The following ITGA1 variants were observed in gnomAD, a reference collection of about 807,000 sequenced individuals.
ITGA1 encodes integrin alpha-1.
In ITGA1, 85 loss-of-function variants were observed where a neutral mutation model predicts 145.9. That is an observed-to-expected ratio of 0.58 (90% confidence interval 0.49 to 0.70). The LOEUF is 0.70. Among genes scored for constraint, ITGA1 ranks in the 30% least tolerant of loss-of-function variants. The pLI, the probability that ITGA1 is intolerant of heterozygous loss-of-function variation, is 0.00. For synonymous variants in ITGA1, 520 were observed against 495.3 expected, an observed-to-expected ratio of 1.05 and a Z score of -0.66; for missense variants, 1,351 against 1,418.7, an observed-to-expected ratio of 0.95 and a Z score of 0.77.
chr5:52,798,953 A>G (rs2111657162), intron 1 of ITGA1, among the ~76,000 whole-genome samples: 1 of 152,180 alleles, frequency 6.6e-6, no homozygotes, highest in East Asian at 1.9e-4. Context: ...TCCCAGCTTA[A>G]CTTTTCCCTT....
At chr5:52,934,800 CA>C (rs1211303492) in intron 23 of ITGA1, among the ~76,000 whole-genome samples, 2 of 151,466 alleles carry the variant, frequency 1.3e-5, no homozygotes, top group African/African-American at 4.8e-5. Flanking sequence ...TTGCCAACCA[CA>C]AAAAAAAGTT....
intron 3 of ITGA1, among the ~76,000 whole-genome samples, chr5:52,862,828 C>T (rs1269769983): frequency 6.6e-6 from 1 of 152,136 alleles, no homozygotes; most frequent in Admixed American, 6.5e-5. Context: ...TTTATAGCCC[C>T]ACAAGTTTAT....
Position 52,849,466 on chromosome 5 carries a change from G to A in ITGA1, c.163G>A (p.Glu55Lys), listed in dbSNP as rs567222496. 1.4e-5 allele frequency: 22 copies of A among 1,603,284 alleles called. No homozygotes were observed. The highest frequency in any genetic ancestry group is 1.3e-4 in the South Asian group (12 of 89,904). ...DMFGYTVQQY[E>K]NEEGKWVLIG... ...GTTTGGATATACTGTTCAACAATAT[G>A]AAAATGAAGAAGGAAAATGGTAAGC... Residue 55 changes from glutamate (E) to lysine (K), a missense_variant, in exon 2 of 29, where the codon GAA becomes AAA. Coordinates refer to ENST00000282588, the MANE Select transcript of ITGA1 (RefSeq NM_181501.2).
At chr5:52,821,636 C>T (rs1341497004) in intron 1 of ITGA1, among the ~76,000 whole-genome samples, 1 of 152,132 alleles carries the variant, frequency 6.6e-6, no homozygotes, top group African/African-American at 2.4e-5. Context: ...TCCCATTCTC[C>T]TTGTATTCTT....
At chr5:52,951,938 T>C (rs943108722) in intron 28 of ITGA1, among the ~76,000 whole-genome samples, 1 of 152,152 alleles carries the variant, frequency 6.6e-6, no homozygotes, top group Non-Finnish European at 1.5e-5. Context: ...ACGCCTGTAA[T>C]CCCAGCACTT....
At chr5:52,939,730 CA>C in intron 25 of ITGA1, 39 bp downstream of exon 25, 1 of 1,513,000 alleles carries the variant, frequency 6.6e-7, no homozygotes, top group Non-Finnish European at 9.2e-7. Flanking sequence ...TTTTGCTTTC[CA>C]AATGAATAAA....
At chr5:52,791,441 G>A (rs890153781) in intron 1 of ITGA1, among the ~76,000 whole-genome samples, 10 of 152,096 alleles carry the variant, frequency 6.6e-5, no homozygotes, top group African/African-American at 2.2e-4. Context: ...TGCAGCTAGT[G>A]ACAAAATTGA....
intron 11 of ITGA1, chr5:52,905,193 G>A (rs1171555156): frequency 2.0e-5 from 3 of 152,140 alleles, no homozygotes; most frequent in Non-Finnish European, 2.9e-5. Flanking sequence ...AATGCTCCAA[G>A]GTGTCTTTGA....
chr5:52,880,679 A>C (rs967108403), intron 6 of ITGA1, among the ~76,000 whole-genome samples: 3 of 152,226 alleles, frequency 2.0e-5, no homozygotes, highest in African/African-American at 7.2e-5. Context: ...ACCAACAGGC[A>C]AAGTAGGCAA....
At chr5:52,897,661 G>T in intron 10 of ITGA1, 133 bp downstream of exon 10, 1 of 630,128 alleles carries the variant, frequency 1.6e-6, no homozygotes, top group South Asian at 1.9e-5. Flanking sequence ...CTATGATGAT[G>T]TTTTCTAATT....
At chr5:52,789,956 G>C (rs1215299084) in intron 1 of ITGA1, among the ~76,000 whole-genome samples, 3 of 152,292 alleles carry the variant, frequency 2.0e-5, no homozygotes, top group Non-Finnish European at 2.9e-5. Context: ...TCCAGGAAGA[G>C]ACTTAAAATA....
At chr5:52,804,107 G>T (rs1000431512) in intron 1 of ITGA1, 1 of 151,812 alleles carries the variant, frequency 6.6e-6, no homozygotes, top group Non-Finnish European at 1.5e-5. Flanking sequence ...AATAATGATA[G>T]GAGCAAATTA....
At chr5:52,800,479 A>T in intron 1 of ITGA1, 1 of 1,614,044 alleles carries the variant, frequency 6.2e-7, no homozygotes, top group Non-Finnish European at 8.5e-7. Context: ...CATGTGGCAC[A>T]CTTACAACCT....
chr5:52,871,830 C>T (rs1265955314), intron 6 of ITGA1, among the ~76,000 whole-genome samples: 1 of 152,100 alleles, frequency 6.6e-6, no homozygotes, highest in Non-Finnish European at 1.5e-5. Context: ...TTACCCAAGA[C>T]AGAGTAAAGG....
At chr5:52,911,580 A>ATAG (rs1750536190) in intron 14 of ITGA1, among the ~76,000 whole-genome samples, 1 of 70,844 alleles carries the variant, frequency 1.4e-5, no homozygotes, top group Non-Finnish European at 3.0e-5. Context: ...TATACTATAT[A>ATAG]TATAGTGTAT....
chr5:52,886,576 T>C (rs1367831843), intron 7 of ITGA1, among the ~76,000 whole-genome samples: 1 of 152,202 alleles, frequency 6.6e-6, no homozygotes, highest in Non-Finnish European at 1.5e-5. Flanking sequence ...AGTCTTTTCA[T>C]TACTTTAGTC....
chr5:52,922,753 T>C (rs188829335), intron 17 of ITGA1, 24 bp from the exon 18 acceptor site: 2 of 1,386,024 alleles, frequency 1.4e-6, no homozygotes. Flanking sequence ...ATACCAGTGA[T>C]ATATTTTATG....
intron 15 of ITGA1, among the ~76,000 whole-genome samples, chr5:52,916,894 G>A (rs982260614): frequency 1.3e-5 from 2 of 152,100 alleles, no homozygotes; most frequent in African/African-American, 2.4e-5. Context: ...TTTGTTTCAA[G>A]GCTTTCTTGC....
intron 11 of ITGA1, 98 bp downstream of exon 11, chr5:52,898,481 G>A (rs1207761057): frequency 8.3e-6 from 9 of 1,090,678 alleles, no homozygotes; most frequent in African/African-American, 3.1e-5. Flanking sequence ...CAACCATATA[G>A]CAGGATTATT....
Sources: gnomAD v4.1 joint callset for allele counts (sites outside exome capture counted in the v4.1 genomes callset) on GRCh38, gnomAD v4.1.1 for gene constraint, MANE v1.5 for transcripts, NCBI Gene and HGNC (gene_info 2026-07-23, HGNC 2026-07-21) for gene names.